Variants in COQ8A observed in about 807,000 individuals in gnomAD.
COQ8A encodes coenzyme Q8A.
Under a neutral mutation model 65.0 loss-of-function variants are expected in COQ8A, and 51 were observed. That is an observed-to-expected ratio of 0.78 (90% CI 0.63 to 0.99). The LOEUF (loss-of-function observed/expected upper bound fraction) is 0.99. COQ8A is among the 50% of genes least tolerant of loss of function. COQ8A has a pLI of 0.00. For synonymous variants in COQ8A, 371 were observed against 353.2 expected (o/e 1.05, Z -0.57); for missense variants, 940 against 875.0 (o/e 1.07, Z -0.94).
intron 4 of COQ8A, 80 bp downstream of exon 4, chr1:226,965,817 C>T: frequency 2.7e-6 from 4 of 1,479,122 alleles, no homozygotes; most frequent in Non-Finnish European, 2.8e-6. Flanking sequence ...AGGTGGGGAC[C>T]CAGCAATATC....
chr1:226,956,399 T>C lies in COQ8A; in HGVS notation c.-9-4978T>C, dbSNP rs948677882. Among the ~76,000 whole-genome samples, 125 of 64,892 alleles carry C rather than the reference T, an allele frequency of 1.9e-3. No homozygotes were observed. The Middle Eastern group carries it at 0.035, about 18-fold the overall frequency. The allele number at this position is 64,892 out of a possible 152,430, so 42.6% of individuals were successfully genotyped here. A position where few individuals can be genotyped will look rare whatever the true frequency, so the allele number is the denominator to read the frequency against. ...TGGTTCACACTCTCCCTGGTTCCCATTCTCCCTGGTTCCCGCTCTCCCTGA... is the reference window on the plus strand; with the variant it reads ...TGGTTCACACTCTCCCTGGTTCCCACTCTCCCTGGTTCCCGCTCTCCCTGA... On this transcript the variant is annotated intron_variant, in intron 1 of 14. Coordinates refer to ENST00000366777, the MANE Select transcript of COQ8A (RefSeq NM_020247.5).
rs1177101240 is a variant in COQ8A, at chr1:226,965,359, G to C, written c.537G>C (p.Glu179Asp). Residue 179 changes from glutamate (E) to aspartate (D), a missense_variant, in exon 3 of 15, where the codon GAG becomes GAC. By Grantham distance (45) the Glu-to-Asp change is conservative (BLOSUM62 2). Transcript: ENST00000366777. ...PVGGLTAEDI[E>D]KARQAKARPE... Reference sequence around the variant, plus strand: ...GGGGCCTCACAGCCGAGGACATTGAGAAGGCCCGGCAGGCTAAGGCTCGCC... The same window carrying C: ...GGGGCCTCACAGCCGAGGACATTGACAAGGCCCGGCAGGCTAAGGCTCGCC... The C allele has an allele frequency of 6.2e-7, 1 of 1,612,894 alleles. No homozygotes were observed. Among genetic ancestry groups the C allele is most frequent in the Non-Finnish European group, 8.5e-7 (1 of 1,179,838 alleles).
rs558173809 is a variant in COQ8A, at chr1:226,942,015, A to G, written c.-10+1616A>G. ...TTCTTCGTTGTGGGAGACCTGGCCTATACATTGTAGGATGTGTAGCAGTAT... is the reference window on the plus strand; with the variant it reads ...TTCTTCGTTGTGGGAGACCTGGCCTGTACATTGTAGGATGTGTAGCAGTAT... On this transcript the variant is annotated intron_variant, in intron 1 of 14. Transcript: ENST00000366777. Among the ~76,000 whole-genome samples, 18 of 152,184 alleles carry G rather than the reference A, an allele frequency of 1.2e-4. No individual in the cohort carries two copies. The South Asian group carries it at 3.5e-3, about 30-fold the overall frequency.
At chr1:226,978,967 C>T (rs1038066294) in intron 5 of COQ8A, among the ~76,000 whole-genome samples, 4 of 151,662 alleles carry the variant, frequency 2.6e-5, no homozygotes, top group Non-Finnish European at 5.9e-5. Context: ...TCCACACACC[C>T]GCACACCTCC....
At chr1:226,961,644 C>T in intron 2 of COQ8A, 82 bp downstream of exon 2, 4 of 1,484,156 alleles carry the variant, frequency 2.7e-6, no homozygotes, top group Non-Finnish European at 3.6e-6. Context: ...GGGCTGTGAC[C>T]ATGGCAACTG....
intron 4 of COQ8A, among the ~76,000 whole-genome samples, chr1:226,970,516 C>A (rs149622312): frequency 7.2e-4 from 110 of 152,304 alleles, no homozygotes; most frequent in Middle Eastern, 3.4e-3. Flanking sequence ...TACAATCTAT[C>A]ACTGTCGTAT....
intron 8 of COQ8A, 32 bp downstream of exon 8, chr1:226,983,066 A>T (rs991614848): frequency 1.3e-6 from 2 of 1,564,766 alleles, no homozygotes; most frequent in Admixed American, 3.7e-5. Context: ...GCCTGTCCCT[A>T]TGGGGGCTGC....
intron 1 of COQ8A, 89 bp from the exon 2 acceptor site, chr1:226,961,287 CT>C: frequency 7.0e-7 from 1 of 1,420,338 alleles, no homozygotes; most frequent in Admixed American, 1.7e-5. Flanking sequence ...CCCTCTGGAC[CT>C]TCTGCTCAGA....
intron 5 of COQ8A, 74 bp from the exon 6 acceptor site, chr1:226,981,953 G>A (rs183911703): frequency 1.2e-6 from 2 of 1,603,658 alleles, no homozygotes; most frequent in African/African-American, 1.3e-5. Flanking sequence ...GCCTCCGTCT[G>A]TATCAGGTGG....
chr1:226,956,705 T>C (rs1273690648), intron 1 of COQ8A, among the ~76,000 whole-genome samples: 1 of 67,020 alleles, frequency 1.5e-5, no homozygotes, highest in Admixed American at 1.8e-4. Context: ...CTCTCCCTGG[T>C]TCACACTCTC....
chr1:226,965,266 C>T lies in COQ8A; in HGVS notation c.444C>T (p.Asn148=), dbSNP rs960026540. The T allele has an allele frequency of 2.5e-6, 4 of 1,614,016 alleles. No homozygotes were observed. The highest frequency in any genetic ancestry group is 1.7e-5 in the Admixed American group (1 of 60,018). Residue 148 remains asparagine (N), a synonymous_variant, in exon 3 of 15, where the codon AAC becomes AAT. Coordinates refer to ENST00000366777, the MANE Select transcript of COQ8A (RefSeq NM_020247.5). The part of the protein sequence containing the change: ...LGRANGRLFA[N]PRDSFSAMGF... ...GGGCCAACGGGAGGCTCTTTGCAAA[C>T]CCCAGAGACTCATTCTCTGCCATGG...
At chr1:226,984,774 A>G in intron 12 of COQ8A, 102 bp from the exon 13 acceptor site, 1 of 1,483,006 alleles carries the variant, frequency 6.7e-7, no homozygotes, top group East Asian at 2.3e-5. Context: ...GGGCTCTGGG[A>G]GTGGGGATCC....
intron 4 of COQ8A, among the ~76,000 whole-genome samples, chr1:226,976,801 C>T (rs561070718): frequency 2.4e-4 from 36 of 152,292 alleles, no homozygotes; most frequent in African/African-American, 6.5e-4. Flanking sequence ...TGGCACCCCA[C>T]GGTCCTCAGA....
At chr1:226,976,630 C>T (rs966897572) in intron 4 of COQ8A, among the ~76,000 whole-genome samples, 3 of 152,194 alleles carry the variant, frequency 2.0e-5, no homozygotes, top group Non-Finnish European at 4.4e-5. Context: ...AATACTGGCC[C>T]TGGGTGAGGT....
At chr1:226,962,610 T>A (rs1658319417) in intron 2 of COQ8A, among the ~76,000 whole-genome samples, 1 of 152,210 alleles carries the variant, frequency 6.6e-6, no homozygotes, top group Non-Finnish European at 1.5e-5. Flanking sequence ...ATGGCTGATT[T>A]CTGGACAAAG....
chr1:226,985,902 GC>G (rs1264210093), intron 14 of COQ8A, among the ~76,000 whole-genome samples: 2 of 152,192 alleles, frequency 1.3e-5, no homozygotes, highest in Non-Finnish European at 2.9e-5. Flanking sequence ...TAAGCGCTCA[GC>G]GGGCAGCAGC....
chr1:226,981,986 C>G (rs756788360), intron 5 of COQ8A, 41 bp from the exon 6 acceptor site: 4 of 1,610,960 alleles, frequency 2.5e-6, no homozygotes, highest in Non-Finnish European at 3.4e-6. Context: ...CACTCCCAGA[C>G]CCCCCCGAGT....
At chr1:226,978,471 C>T (rs1299927193) in intron 5 of COQ8A, among the ~76,000 whole-genome samples, 29 of 145,384 alleles carry the variant, frequency 2.0e-4, no homozygotes, top group Middle Eastern at 4.1e-3. Context: ...CCACACCCAC[C>T]AAATACCTGC....
Position 226,959,614 on chromosome 1 carries a change from C to A in COQ8A, c.-9-1763C>A, listed in dbSNP as rs116414588. 3.5e-3 allele frequency among the ~76,000 whole-genome samples: 533 copies of A among 152,308 alleles called. 2 individuals carry two copies. Among genetic ancestry groups the A allele is most frequent in the Non-Finnish European group, 5.5e-3 (372 of 68,038 alleles). The stretch of plus-strand genomic sequence containing the variant: ...GACAGACTGTGTTTATTAGCAGCAT[C>A]TGTTTATTAGCAGTCTGTGTTTATT... On this transcript the variant is annotated intron_variant, in intron 1 of 14. Transcript: ENST00000366777.
Sources: allele counts gnomAD v4.1 joint callset (sites outside exome capture counted in the v4.1 genomes callset), GRCh38; gene constraint gnomAD v4.1.1; transcripts MANE v1.5; gene names NCBI Gene and HGNC (gene_info 2026-07-23, HGNC 2026-07-21).